LCMT1: variants seen among roughly 807,000 people sequenced by gnomAD.
The protein encoded by LCMT1 is leucine carboxyl methyltransferase 1, also known as [Phosphatase 2A protein]-leucine-carboxy methyltransferase 1.
In LCMT1, 32 loss-of-function variants were observed where a neutral mutation model predicts 47.7. That is an observed-to-expected ratio of 0.67 (90% CI 0.51 to 0.90). LCMT1 has a LOEUF of 0.90. Ranked by LOEUF, LCMT1 falls within the 40% of genes least tolerant of loss-of-function variation. LCMT1 has a pLI of 0.00. For missense variants in LCMT1, 375 were observed against 415.2 expected (o/e 0.90, Z 0.84); for synonymous variants, 152 against 149.7 (o/e 1.02, Z -0.11).
chr16:25,170,927 C>G, intron 9 of LCMT1, 122 bp downstream of exon 9: 1 of 695,734 alleles, frequency 1.4e-6, no homozygotes, highest in South Asian at 2.3e-5. Flanking sequence ...AAACAAAAAA[C>G]AAACAAACAA....
intron 6 of LCMT1, 44 bp from the exon 7 acceptor site, chr16:25,164,554 T>C: frequency 1.2e-6 from 2 of 1,613,216 alleles, no homozygotes; most frequent in Admixed American, 3.3e-5. Context: ...GGGTCCTGAC[T>C]TGATGATAAC....
At chr16:25,159,440 A>T (rs577801235) in intron 5 of LCMT1, among the ~76,000 whole-genome samples, 3 of 152,212 alleles carry the variant, frequency 2.0e-5, no homozygotes, top group South Asian at 4.1e-4. Context: ...CTAATTTTTT[A>T]AATTTTTTTG....
chr16:25,148,448 A>G (rs1960945328), intron 4 of LCMT1, among the ~76,000 whole-genome samples: 1 of 152,308 alleles, frequency 6.6e-6, no homozygotes, highest in Non-Finnish European at 1.5e-5. Context: ...AGGTGTGGCA[A>G]AGGGAGGGAA....
At chr16:25,157,558 A>G (rs1030491218) in intron 5 of LCMT1, among the ~76,000 whole-genome samples, 2 of 151,624 alleles carry the variant, frequency 1.3e-5, no homozygotes, top group African/African-American at 4.9e-5. Context: ...ACCAGCAACA[A>G]CAATAAAAAA....
chr16:25,169,127 C>G lies in LCMT1; in HGVS notation c.706C>G (p.Arg236Gly). 6.2e-7 allele frequency: 1 copy of G among 1,612,652 alleles called. No homozygotes were observed. Among genetic ancestry groups the G allele is most frequent in the Non-Finnish European group, 8.5e-7 (1 of 1,179,060 alleles). ...INYEQVNMGD[R>G]FGQIMIENLR... ...TCCCTCCTAGGTGAACATGGGTGAT[C>G]GGTTTGGGCAGATCATGATTGAAAA... The change falls in exon 8 of 11, where the codon CGG becomes GGG. Residue 236 changes from arginine (R) to glycine (G), a missense_variant. Arg to Gly is a moderately radical substitution (Grantham distance 125). Coordinates refer to ENST00000399069, the MANE Select transcript of LCMT1 (RefSeq NM_016309.3).
intron 5 of LCMT1, among the ~76,000 whole-genome samples, chr16:25,153,653 A>C (rs1313284522): frequency 2.0e-5 from 3 of 152,204 alleles, no homozygotes; most frequent in Non-Finnish European, 4.4e-5. Flanking sequence ...TGTGATTTAA[A>C]AAATTTTCTA....
At chr16:25,144,112 C>G (rs915490752) in intron 4 of LCMT1, 1 of 152,258 alleles carries the variant, frequency 6.6e-6, no homozygotes, top group Non-Finnish European at 1.5e-5. Context: ...TGACTGCCAC[C>G]TGGCAGGGAA....
At chr16:25,156,980 A>G (rs1161784139) in intron 5 of LCMT1, among the ~76,000 whole-genome samples, 1 of 150,822 alleles carries the variant, frequency 6.6e-6, no homozygotes, top group East Asian at 1.9e-4. Flanking sequence ...ATCCTAGGAA[A>G]ATCTGTGAAC....
chr16:25,158,369 C>CA (rs975217749), intron 5 of LCMT1, among the ~76,000 whole-genome samples: 2 of 152,238 alleles, frequency 1.3e-5, no homozygotes, highest in Non-Finnish European at 2.9e-5. Flanking sequence ...AACTGGCCTT[C>CA]AGCAATTCGC....
chr16:25,138,485 A>G (rs1019602416), intron 3 of LCMT1, among the ~76,000 whole-genome samples: 41 of 151,844 alleles, frequency 2.7e-4, no homozygotes, highest in African/African-American at 9.7e-4. Flanking sequence ...GCTACCAAGC[A>G]AGCCAGGTGA....
At chr16:25,120,410 G>T (rs115064496) in intron 1 of LCMT1, among the ~76,000 whole-genome samples, 6 of 149,012 alleles carry the variant, frequency 4.0e-5, no homozygotes, top group East Asian at 2.0e-4. Flanking sequence ...TATGGTTTTT[G>T]ATTTCTTTTT....
intron 4 of LCMT1, chr16:25,142,644 A>G (rs1049877655): frequency 6.6e-6 from 1 of 152,150 alleles, no homozygotes; most frequent in Non-Finnish European, 1.5e-5. Context: ...CCTGATGGGG[A>G]GGAGTAGGAA....
At chr16:25,175,595 G>T (rs1961907263) in intron 10 of LCMT1, among the ~76,000 whole-genome samples, 1 of 152,004 alleles carries the variant, frequency 6.6e-6, no homozygotes, top group South Asian at 2.1e-4. Flanking sequence ...CTGCACCATT[G>T]CACTCCAGCC....
At chr16:25,177,486 G>T (rs919425105) in intron 10 of LCMT1, among the ~76,000 whole-genome samples, 2 of 152,140 alleles carry the variant, frequency 1.3e-5, no homozygotes, top group Non-Finnish European at 1.5e-5. Context: ...AATGCTCAAT[G>T]AGCATAATTG....
Position 25,151,609 on chromosome 16 carries a change from C to A in LCMT1, c.460C>A (p.Gln154Lys). ...AGAACTGCATTCAGAGGACACACTT[C>A]AGATGGGCAAGTATCAAGCTAATGC... ...ILELHSEDTL[Q>K]MDGHILDSKR... Residue 154 changes from glutamine (Q) to lysine (K), a missense_variant, in exon 5 of 11, where the codon CAG (glutamine) becomes AAG (lysine). Gln to Lys is a moderately conservative substitution (Grantham distance 53, BLOSUM62 1). Transcript: ENST00000399069. 1.9e-6 allele frequency: 3 copies of A among 1,612,758 alleles called. No homozygotes were observed. The highest frequency in any genetic ancestry group is 2.5e-6 in the Non-Finnish European group (3 of 1,179,212).
At chr16:25,162,947 T>A (rs1462201953) in intron 6 of LCMT1, among the ~76,000 whole-genome samples, 1 of 152,194 alleles carries the variant, frequency 6.6e-6, no homozygotes, top group Non-Finnish European at 1.5e-5. Context: ...CTGTGCTTAC[T>A]GCAGCATGAA....
rs769636438 is a variant in LCMT1 at position 25,170,831 on chromosome 16, G to A, written c.884+26G>A. ...GTATGGGGTTGGTGAGCGTCAGCTT[G>A]ATGGGCATTCATTGTGAACTCAAGG... On this transcript the variant is annotated intron_variant, in intron 9 of 10. Coordinates refer to ENST00000399069, the MANE Select transcript of LCMT1 (RefSeq NM_016309.3). 9.5e-6 allele frequency: 14 copies of A among 1,480,000 alleles called. No homozygotes were observed. The South Asian group carries it at 1.5e-4, about 16-fold the overall frequency. The allele number at this position is 1,480,000 out of a possible 1,614,324, so 91.7% of individuals were successfully genotyped here.
At chr16:25,124,795 T>A (rs1172740352) in intron 1 of LCMT1, among the ~76,000 whole-genome samples, 2 of 152,250 alleles carry the variant, frequency 1.3e-5, no homozygotes, top group South Asian at 2.1e-4. Context: ...TTGGACCAGA[T>A]CTGTCTTTCC....
At chr16:25,169,466 G>T in intron 8 of LCMT1, 1 of 345,424 alleles carries the variant, frequency 2.9e-6, no homozygotes, top group East Asian at 4.7e-5. Flanking sequence ...AAGGTAGAGG[G>T]AATGGTGAAA....
Sources: gnomAD v4.1 joint callset for allele counts (sites outside exome capture counted in the v4.1 genomes callset) on GRCh38, gnomAD v4.1.1 for gene constraint, MANE v1.5 for transcripts, NCBI Gene and HGNC (gene_info 2026-07-23, HGNC 2026-07-21) for gene names.